Variants in MMS22L observed in about 807,000 individuals in gnomAD.
The protein encoded by MMS22L is protein MMS22-like.
A neutral mutation model predicts 159.1 loss-of-function variants in MMS22L; 74 were observed. The observed-to-expected ratio is 0.47, with a 90% CI of 0.39 to 0.56. MMS22L has a LOEUF of 0.56. Ranked by LOEUF, MMS22L falls within the 20% of genes least tolerant of loss-of-function variation. MMS22L has a pLI of 0.00. For synonymous variants in MMS22L, 517 were observed against 506.9 expected, an observed-to-expected ratio of 1.02 and a Z score of -0.27; for missense variants, 1,351 against 1,422.1, an observed-to-expected ratio of 0.95 and a Z score of 0.80.
At chr6:97,265,549 A>G (rs1815005461) in intron 8 of MMS22L, 2 of 152,180 alleles carry the variant, frequency 1.3e-5, no homozygotes, top group Admixed American at 1.3e-4. Context: ...AAAGGAAAAA[A>G]AATCAACGGA....
In MMS22L at chr6:97,229,123, T is replaced by C. The variant is rs1307927329; in HGVS notation, c.1810A>G (p.Lys604Glu). 1.9e-6 allele frequency: 3 copies of C among 1,614,028 alleles called. No individual in the cohort carries two copies. Among genetic ancestry groups the C allele is most frequent in the African/African-American group, 2.7e-5 (2 of 74,928 alleles). Residue 604 changes from lysine (K) to glutamate (E), a missense_variant, in exon 14 of 25, where the codon AAG (lysine) becomes GAG (glutamate). Lys to Glu is a moderately conservative substitution (Grantham distance 56). Transcript: ENST00000683635. ...TCATTCTTAGACACCAAGAATTCCT[T>C]TGCTTTCTCCCGGAAAGCACATGAA... ...KFSCAFREKA[K>E]EFLVSKNEEM... is the part of the protein sequence containing the mutation.
chr6:97,179,393 C>G lies in MMS22L; in HGVS notation c.2536+15G>C, dbSNP rs375044877. 1 of 1,606,908 alleles carries G rather than the reference C, an allele frequency of 6.2e-7. No individual in the cohort carries two copies. Among genetic ancestry groups the G allele is most frequent in the Non-Finnish European group, 8.5e-7 (1 of 1,176,626 alleles). ...AGATACCCCCATCCTCCCCAAAAAA[C>G]GTACACTTACTTACCAACTGCCTCT... On this transcript the variant is annotated intron_variant, in intron 17 of 24. Coordinates refer to ENST00000683635, the MANE Select transcript of MMS22L (RefSeq NM_001350599.2).
chr6:97,248,850 CTT>C (rs1286780766), intron 10 of MMS22L, among the ~76,000 whole-genome samples: 1 of 149,950 alleles, frequency 6.7e-6, no homozygotes, highest in Non-Finnish European at 1.5e-5. Context: ...CAGAGGGAGA[CTT>C]TGTCTCAAAA....
chr6:97,245,711 A>C (rs1812545794), intron 11 of MMS22L, among the ~76,000 whole-genome samples: 1 of 152,152 alleles, frequency 6.6e-6, no homozygotes, highest in Non-Finnish European at 1.5e-5. Context: ...TTCTAAGCTA[A>C]AATTTTTAGT....
intron 9 of MMS22L, among the ~76,000 whole-genome samples, chr6:97,256,466 G>A (rs1813821954): frequency 6.6e-6 from 1 of 151,920 alleles, no homozygotes; most frequent in African/African-American, 2.4e-5. Flanking sequence ...CCATTCTTCT[G>A]CCTAAATATC....
At position 97,179,401 on chromosome 6, in the gene MMS22L, T is replaced by TA. The variant is rs1315013328; in HGVS notation, c.2536+6dup. On this transcript the variant is annotated splice_region_variant and intron_variant, in intron 17 of 24. Transcript: ENST00000683635. ...CCATCCTCCCCAAAAAACGTACACTTACTTACCAACTGCCTCTTCCAGATT... is the reference window on the plus strand; with the variant it reads ...CCATCCTCCCCAAAAAACGTACACTTAACTTACCAACTGCCTCTTCCAGATT... 6.8e-6 allele frequency: 11 copies of TA among 1,611,210 alleles called. No homozygotes were observed. In the Admixed American group the frequency reaches 1.8e-4, roughly 27 times the overall value.
chr6:97,215,646 G>C (rs1808928804), intron 14 of MMS22L, among the ~76,000 whole-genome samples: 2 of 151,946 alleles, frequency 1.3e-5, no homozygotes, highest in South Asian at 4.2e-4. Context: ...ACTTAAGCCT[G>C]ACCCTCAGGA....
intron 10 of MMS22L, among the ~76,000 whole-genome samples, chr6:97,249,133 AC>A (rs1456289036): frequency 6.6e-6 from 1 of 152,080 alleles, no homozygotes; most frequent in African/African-American, 2.4e-5. Context: ...TCAGTAGTCC[AC>A]CCCTACATAA....
At chr6:97,269,148 G>A in intron 7 of MMS22L, among the ~76,000 whole-genome samples, 1 of 151,902 alleles carries the variant, frequency 6.6e-6, no homozygotes, top group East Asian at 1.9e-4. Context: ...AGCAAATATA[G>A]ACAATAAAAC....
intron 9 of MMS22L, among the ~76,000 whole-genome samples, chr6:97,255,373 T>A (rs915437979): frequency 6.6e-6 from 1 of 152,142 alleles, no homozygotes; most frequent in African/African-American, 2.4e-5. Flanking sequence ...ATATTTCTAG[T>A]ATTGAGTATT....
chr6:97,187,700 G>C (rs1421978959), intron 14 of MMS22L, among the ~76,000 whole-genome samples: 3 of 152,030 alleles, frequency 2.0e-5, no homozygotes, highest in Admixed American at 6.6e-5. Flanking sequence ...AAAGATGTTT[G>C]ATGTTTTTAA....
intron 14 of MMS22L, among the ~76,000 whole-genome samples, chr6:97,194,635 T>C (rs1398469174): frequency 6.6e-6 from 1 of 152,186 alleles, no homozygotes; most frequent in Non-Finnish European, 1.5e-5. Flanking sequence ...GTTCATAGAC[T>C]AAGTAACAAG....
intron 14 of MMS22L, among the ~76,000 whole-genome samples, chr6:97,223,821 T>G (rs1035236166): frequency 1.3e-5 from 2 of 152,180 alleles, no homozygotes; most frequent in Non-Finnish European, 2.9e-5. Context: ...TCATAGTTCC[T>G]TTTATTACAT....
At position 97,145,061 on chromosome 6, in the gene MMS22L, C is replaced by CAA. The variant is rs1485290171; in HGVS notation, c.*1744_*1745insTT. ...ACACACACACACACACACACACACA[C>CAA]ACACAAAAACACATATACACATAAA... On this transcript the variant is annotated 3_prime_UTR_variant, in exon 25 of 25. Coordinates refer to ENST00000683635, the MANE Select transcript of MMS22L (RefSeq NM_001350599.2). 3.8e-4 allele frequency: 55 copies of CAA among 144,924 alleles called. No homozygotes were observed. Among genetic ancestry groups the CAA allele is most frequent in the Middle Eastern group, 3.6e-3 (1 of 280 alleles). The allele number at this position is 144,924 out of a possible 1,614,324, so 9.0% of individuals were successfully genotyped here.
intron 7 of MMS22L, among the ~76,000 whole-genome samples, chr6:97,268,423 T>C (rs572440500): frequency 1.6e-3 from 249 of 152,144 alleles, no homozygotes; most frequent in Non-Finnish European, 3.0e-3. Flanking sequence ...CTCCTGACCT[T>C]GTGATCTGCC....
Position 97,143,935 on chromosome 6 carries a change from T to C in MMS22L, c.*2871A>G, listed in dbSNP as rs1428043158. 3.3e-5 allele frequency: 5 copies of C among 151,454 alleles called. No individual in the cohort carries two copies. Among genetic ancestry groups the C allele is most frequent in the African/African-American group, 1.2e-4 (5 of 41,202 alleles). The allele number at this position is 151,454 out of a possible 1,614,324, so 9.4% of individuals were successfully genotyped here. A position where few individuals can be genotyped will look rare whatever the true frequency, so the allele number is the denominator to read the frequency against. Reference sequence around the variant, plus strand: ...TCTCTACTAAAAATACAAAAAAAATTAGCCGGGCGTGGTGGCGGGCACCTG... The same window carrying C: ...TCTCTACTAAAAATACAAAAAAAATCAGCCGGGCGTGGTGGCGGGCACCTG... On this transcript the variant is annotated 3_prime_UTR_variant, in exon 25 of 25. Coordinates refer to ENST00000683635, the MANE Select transcript of MMS22L (RefSeq NM_001350599.2).
At chr6:97,212,517 T>G (rs1397646548) in intron 14 of MMS22L, among the ~76,000 whole-genome samples, 2 of 152,186 alleles carry the variant, frequency 1.3e-5, no homozygotes, top group African/African-American at 4.8e-5. Context: ...CACACAGTAA[T>G]GATTATAAAA....
intron 9 of MMS22L, chr6:97,260,241 T>C (rs1041010966): frequency 1.3e-5 from 2 of 152,196 alleles, no homozygotes; most frequent in Admixed American, 6.5e-5. Context: ...CCTTTGATTA[T>C]AGTTTTTAAT....
intron 15 of MMS22L, among the ~76,000 whole-genome samples, chr6:97,183,855 C>T (rs1369262696): frequency 6.6e-6 from 1 of 152,162 alleles, no homozygotes; most frequent in Non-Finnish European, 1.5e-5. Context: ...GCATTCCTGT[C>T]AGCATTTTAA....
Sources: gnomAD v4.1 joint callset for allele counts (sites outside exome capture counted in the v4.1 genomes callset) on GRCh38, gnomAD v4.1.1 for gene constraint, MANE v1.5 for transcripts, NCBI Gene and HGNC (gene_info 2026-07-23, HGNC 2026-07-21) for gene names.